CEP192: variants seen among roughly 807,000 people sequenced by gnomAD.
CEP192 encodes the protein centrosomal protein 192, also known as centrosomal protein of 192 kDa.
In CEP192, 151 loss-of-function variants were observed where a neutral mutation model predicts 271.8. The observed-to-expected ratio is 0.56, with a 90% CI of 0.49 to 0.64. The LOEUF is 0.64. Ranked by LOEUF, CEP192 falls within the 30% of genes least tolerant of loss-of-function variation. CEP192 has a pLI of 0.00. For missense variants in CEP192, 2,910 were observed against 3,020.5 expected (o/e 0.96, Z 0.86); for synonymous variants, 995 against 1,076.5 (o/e 0.92, Z 1.48).
intron 3 of CEP192, among the ~76,000 whole-genome samples, chr18:13,007,106 C>G (rs1026234672): frequency 6.6e-6 from 1 of 152,158 alleles, no homozygotes; most frequent in African/African-American, 2.4e-5. Flanking sequence ...TGCTTCCGGG[C>G]CCTTCTGTTC....
intron 33 of CEP192, among the ~76,000 whole-genome samples, chr18:13,090,972 C>T (rs1331694265): frequency 1.6e-4 from 25 of 152,158 alleles, no homozygotes; most frequent in Admixed American, 1.6e-3. Context: ...GGACAAGATG[C>T]CAGTAGGTCT....
intron 15 of CEP192, among the ~76,000 whole-genome samples, chr18:13,047,360 T>TACACAC (rs35070042): frequency 1.9e-4 from 28 of 150,850 alleles, no homozygotes; most frequent in Admixed American, 8.6e-4. Context: ...CCCTCAAACA[T>TACACAC]ACACACACAC....
intron 38 of CEP192, among the ~76,000 whole-genome samples, chr18:13,102,583 C>T (rs1375290287): frequency 6.6e-6 from 1 of 152,194 alleles, no homozygotes; most frequent in Non-Finnish European, 1.5e-5. Flanking sequence ...TGTGCCAAAT[C>T]CAGGGTCCGT....
chr18:13,085,350 C>A (rs1360949340), intron 30 of CEP192, among the ~76,000 whole-genome samples: 2 of 151,476 alleles, frequency 1.3e-5, no homozygotes, highest in African/African-American at 4.9e-5. Flanking sequence ...CTATAGGTTA[C>A]CTATTCACTC....
intron 30 of CEP192, among the ~76,000 whole-genome samples, chr18:13,085,130 G>A (rs2509751): frequency 0.41 from 61,492 of 151,784 alleles, 12,513 homozygotes; most frequent in Admixed American, 0.44. Context: ...TGGTCGATTT[G>A]CATTTCTCTA....
At position 13,059,315 on chromosome 18, in the gene CEP192, A is replaced by G. The variant is rs1374448891; in HGVS notation, c.4488+3A>G. 4 of 1,608,776 alleles carry G rather than the reference A, an allele frequency of 2.5e-6. No individual in the cohort carries two copies. The highest frequency in any genetic ancestry group is 3.4e-6 in the Non-Finnish European group (4 of 1,175,232). ...TTGCCGAGAGTCCTGTTATTGAGGTACCTGTTTGAAAATGAATCTTTGTCA... is the reference window on the plus strand; with the variant it reads ...TTGCCGAGAGTCCTGTTATTGAGGTGCCTGTTTGAAAATGAATCTTTGTCA... On this transcript the variant is annotated splice_donor_region_variant and intron_variant, in intron 21 of 44. Transcript: ENST00000506447.
chr18:13,098,158 G>A (rs1028060241), intron 36 of CEP192, among the ~76,000 whole-genome samples: 1 of 152,232 alleles, frequency 6.6e-6, no homozygotes, highest in Admixed American at 6.5e-5. Flanking sequence ...TGAGCTGTTG[G>A]GTACACCTCC....
At chr18:13,114,353 C>A in intron 42 of CEP192, 102 bp downstream of exon 42, 1 of 1,207,050 alleles carries the variant, frequency 8.3e-7, no homozygotes, top group Non-Finnish European at 1.2e-6. Context: ...ACATGTGTTA[C>A]CAGCACTCCA....
At chr18:13,084,233 G>T (rs982007187) in intron 30 of CEP192, among the ~76,000 whole-genome samples, 1 of 152,170 alleles carries the variant, frequency 6.6e-6, no homozygotes, top group South Asian at 2.1e-4. Flanking sequence ...CTAGAGGTGG[G>T]CTCTATAGAG....
Position 13,019,112 on chromosome 18 carries a change from G to GATA in CEP192, c.956_957insATA (p.Arg319_Tyr320insTer). The GATA allele has an allele frequency of 6.5e-7, 1 of 1,539,742 alleles. No homozygotes were observed. Among genetic ancestry groups the GATA allele is most frequent in the Non-Finnish European group, 8.8e-7 (1 of 1,142,852 alleles). On this transcript the variant is annotated stop_gained and inframe_insertion, in exon 9 of 45. Transcript: ENST00000506447. LOFTEE classifies it high-confidence loss of function. ...TCTATAGGTACTGGAGATAGTAGAA[G>GATA]GTACACAGATGGTATGTTACCATTT... is the stretch of plus-strand genomic sequence containing the variant.
rs536350412 is a variant in CEP192, at chr18:13,099,570, G to A, written c.6652G>A (p.Asp2218Asn). Residue 2218 changes from aspartate (D) to asparagine (N), a missense_variant, in exon 37 of 45, where the codon GAT becomes AAT. Physicochemically the swap from Asp to Asn is conservative, Grantham distance 23. Transcript: ENST00000506447. ...WSGLIYIHCD[D>N]GQKKIVKVQI... is the part of the protein sequence containing the mutation. ...TGGTTTGATCTATATACACTGTGAC[G>A]ATGGACAGAAGGTACTTTTAAAAGT... 41 of 1,540,070 alleles carry A rather than the reference G, an allele frequency of 2.7e-5. 1 individual carries two copies. Among genetic ancestry groups the A allele is most frequent in the Middle Eastern group, 3.4e-4 (2 of 5,806 alleles).
intron 28 of CEP192, 142 bp downstream of exon 28, chr18:13,071,354 C>A: frequency 3.0e-6 from 2 of 660,714 alleles, no homozygotes; most frequent in South Asian, 4.0e-5. Context: ...TAGATGGGCA[C>A]GTGTCCTGAT....
Position 13,001,442 on chromosome 18 carries a change from AT to A in CEP192, c.165-7del, listed in dbSNP as rs948405633. ...ATTTAATTCTTAACAATTAAAACAAATTTTTTTTGTATAGGTATCCTGATAT... is the reference window on the plus strand; with the variant it reads ...ATTTAATTCTTAACAATTAAAACAAATTTTTTTGTATAGGTATCCTGATAT... On this transcript the variant is annotated splice_polypyrimidine_tract_variant and intron_variant, in intron 2 of 44. Coordinates refer to ENST00000506447, the MANE Select transcript of CEP192 (RefSeq NM_032142.4). 4.0e-5 allele frequency: 61 copies of A among 1,514,854 alleles called. No homozygotes were observed. Among genetic ancestry groups the A allele is most frequent in the Non-Finnish European group, 4.9e-5 (55 of 1,121,660 alleles). The allele number at this position is 1,514,854 out of a possible 1,614,324, so 93.8% of individuals were successfully genotyped here.
At position 13,124,671 on chromosome 18, in the gene CEP192, G is replaced by T. The variant is rs144243225; in HGVS notation, c.7515G>T (p.Pro2505=). 370 of 1,613,866 alleles carry T rather than the reference G, an allele frequency of 2.3e-4. 2 individuals are homozygous for T. In the Admixed American group the frequency reaches 6.0e-3, roughly 26 times the overall value. The part of the protein sequence containing the change: ...HYINMPVQFK[P]KSAGKFEALL... Reference sequence around the variant, plus strand: ...TCAACATGCCCGTGCAGTTCAAACCGAAGTCCGCAGGCAAATTTGAAGCTT... The same window carrying T: ...TCAACATGCCCGTGCAGTTCAAACCTAAGTCCGCAGGCAAATTTGAAGCTT... Residue 2505 remains proline, a synonymous_variant, in exon 45 of 45, where the codon CCG becomes CCT. Transcript: ENST00000506447.
Position 13,038,518 on chromosome 18 carries a change from A to C in CEP192, c.1748A>C (p.Glu583Ala). 1 of 1,551,566 alleles carries C rather than the reference A, an allele frequency of 6.4e-7. No homozygotes were observed. Among genetic ancestry groups the C allele is most frequent in the Non-Finnish European group, 8.7e-7 (1 of 1,146,966 alleles). The change falls in exon 13 of 45, where the codon GAG (glutamate) becomes GCG (alanine). Residue 583 changes from glutamate (E) to alanine (A), a missense_variant. Coordinates refer to ENST00000506447, the MANE Select transcript of CEP192 (RefSeq NM_032142.4). ...AGTTATTTACGTCTGTCTTTAGGAG[A>C]GTTCTTTGCTCAAAGATCTGAAGCT... The part of the protein sequence containing the change: ...DASYLRLSLG[E>A]FFAQRSEALG...
intron 9 of CEP192, among the ~76,000 whole-genome samples, chr18:13,026,044 G>A (rs1333144020): frequency 6.6e-6 from 1 of 152,112 alleles, no homozygotes; most frequent in African/African-American, 2.4e-5. Context: ...TGCAAGGCAG[G>A]TCTGCTGGCA....
chr18:13,070,637 C>T (rs2037962615), intron 27 of CEP192, among the ~76,000 whole-genome samples: 1 of 152,200 alleles, frequency 6.6e-6, no homozygotes, highest in Admixed American at 6.5e-5. Context: ...CATGGCTTAT[C>T]CCCCTGCCTG....
chr18:13,000,475 A>T (rs1040054460), intron 2 of CEP192: 1 of 151,996 alleles, frequency 6.6e-6, no homozygotes, highest in Non-Finnish European at 1.5e-5. Flanking sequence ...GGGTCATTGG[A>T]TCTATTTAGA....
At chr18:13,007,103 G>A (rs965858279) in intron 3 of CEP192, among the ~76,000 whole-genome samples, 2 of 152,012 alleles carry the variant, frequency 1.3e-5, no homozygotes, top group South Asian at 4.1e-4. Context: ...TTCTGCTTCC[G>A]GGCCCTTCTG....
Sources: allele counts gnomAD v4.1 joint callset (sites outside exome capture counted in the v4.1 genomes callset), GRCh38; gene constraint gnomAD v4.1.1; transcripts MANE v1.5; gene names NCBI Gene and HGNC (gene_info 2026-07-23, HGNC 2026-07-21).